RETREG3: variants seen among roughly 807,000 people sequenced by gnomAD.
RETREG3 encodes reticulophagy regulator family member 3.
RETREG3 carries 23 observed loss-of-function variants against 50.2 expected under a neutral mutation model. The observed-to-expected ratio is 0.46, with a 90% CI of 0.33 to 0.65. The LOEUF is 0.65. Ranked by LOEUF, RETREG3 falls within the 30% of genes least tolerant of loss-of-function variation. The pLI is 0.02. For missense variants in RETREG3, 546 were observed against 598.0 expected (o/e 0.91, Z 0.91); for synonymous variants, 240 against 234.4 (o/e 1.02, Z -0.22).
In RETREG3 at chr17:42,582,139, G is replaced by A. The variant is rs868704755; in HGVS notation, c.1075C>T (p.Arg359Cys). Residue 359 changes from arginine to cysteine, a missense_variant, in exon 9 of 9, where the codon CGT becomes TGT. By Grantham distance (180) the Arg-to-Cys change is radical (BLOSUM62 -3). Transcript: ENST00000309428. ...TSIGMPSLMYRSPPGAEEPQA... is the reference protein window; with the variant it reads ...TSIGMPSLMYCSPPGAEEPQA... ...GGCTCCTCAGCCCCTGGCGGAGAAC[G>A]GTACATCAAGCTGGGCATGCCAATG... 19 of 1,613,970 alleles carry A rather than the reference G, an allele frequency of 1.2e-5. No homozygotes were observed. The highest frequency in any genetic ancestry group is 1.5e-5 in the Non-Finnish European group (18 of 1,180,018).
intron 1 of RETREG3, among the ~76,000 whole-genome samples, chr17:42,608,056 A>G (rs939302571): frequency 2.0e-5 from 3 of 152,224 alleles, no homozygotes; most frequent in Non-Finnish European, 4.4e-5. Flanking sequence ...AGGATAATAA[A>G]TGTTTTGATT....
At chr17:42,594,963 CTT>C (rs777063995) in intron 1 of RETREG3, among the ~76,000 whole-genome samples, 370 of 125,176 alleles carry the variant, frequency 3.0e-3, no homozygotes, top group African/African-American at 0.01. Flanking sequence ...TTTTTTTTTA[CTT>C]TTTTTTTTTT....
Position 42,579,861 on chromosome 17 carries a change from A to T in RETREG3, c.*1952T>A, listed in dbSNP as rs191134740. ...ACACCTAACTCTTCCCTCTTCTGTC[A>T]ACCATTTTCACTCCCTGGCCTCTGT... On this transcript the variant is annotated 3_prime_UTR_variant, in exon 9 of 9. Transcript: ENST00000309428. 8.5e-5 allele frequency: 13 copies of T among 152,946 alleles called. No individual in the cohort carries two copies. Among genetic ancestry groups the T allele is most frequent in the Admixed American group, 4.6e-4 (7 of 15,300 alleles). The allele number at this position is 152,946 out of a possible 1,614,324, so 9.5% of individuals were successfully genotyped here.
At position 42,581,040 on chromosome 17, in the gene RETREG3, A is replaced by AC. The variant is rs2093106920; in HGVS notation, c.*772_*773insG. ...GGCAACAGAGAGAGACTCTGTCTCAAAAAAAAAAAAAAGAAAAGAAAAGAA... is the reference window on the plus strand; with the variant it reads ...GGCAACAGAGAGAGACTCTGTCTCAACAAAAAAAAAAAAGAAAAGAAAAGAA... On this transcript the variant is annotated 3_prime_UTR_variant, in exon 9 of 9. Transcript: ENST00000309428. The AC allele has an allele frequency of 8.4e-6, 1 of 118,994 alleles. No homozygotes were observed. Among genetic ancestry groups the AC allele is most frequent in the African/African-American group, 3.3e-5 (1 of 30,022 alleles). 7.4% of individuals were successfully genotyped at this position (118,994 alleles called of 1,614,324 possible).
chr17:42,595,654 A>C (rs1227375542), intron 1 of RETREG3, among the ~76,000 whole-genome samples: 1 of 139,760 alleles, frequency 7.2e-6, no homozygotes, highest in Non-Finnish European at 1.5e-5. Flanking sequence ...TGACAACCCT[A>C]TTTCTTTCTT....
At chr17:42,592,573 C>T (rs1480940911) in intron 1 of RETREG3, among the ~76,000 whole-genome samples, 1 of 152,152 alleles carries the variant, frequency 6.6e-6, no homozygotes, top group Non-Finnish European at 1.5e-5. Context: ...AATTCAATTA[C>T]ATATCTTTTT....
chr17:42,584,759 T>A (rs567652584), intron 6 of RETREG3, among the ~76,000 whole-genome samples: 7 of 138,136 alleles, frequency 5.1e-5, no homozygotes. Context: ...AAGGGTGCAG[T>A]GAGCCATGAT....
intron 1 of RETREG3, among the ~76,000 whole-genome samples, chr17:42,594,865 C>G (rs2093140765): frequency 6.6e-6 from 1 of 151,456 alleles, no homozygotes; most frequent in Admixed American, 6.6e-5. Context: ...TAAATACATA[C>G]ATACATACGT....
At chr17:42,609,394 C>T (rs1184341328), upstream of RETREG3, 2 of 1,482,538 alleles carry the variant, frequency 1.3e-6, no homozygotes, top group East Asian at 4.5e-5. Flanking sequence ...TGCGCAGATG[C>T]GCGATTCGGC....
At chr17:42,592,310 T>G in intron 1 of RETREG3, 148 bp from the exon 2 acceptor site, 1 of 602,792 alleles carries the variant, frequency 1.7e-6, no homozygotes, top group South Asian at 2.3e-5. Flanking sequence ...ACACCTAGGG[T>G]AAATCATTTA....
At chr17:42,605,448 C>G (rs2093166172) in intron 1 of RETREG3, among the ~76,000 whole-genome samples, 1 of 152,044 alleles carries the variant, frequency 6.6e-6, no homozygotes, top group East Asian at 1.9e-4. Context: ...GTTAACTGAA[C>G]AGTCAGTCAC....
At position 42,609,349 on chromosome 17, in the gene RETREG3, G is replaced by C. The variant is rs1436116390; in HGVS notation, c.-25C>G. The C allele has an allele frequency of 5.7e-6, 9 of 1,585,202 alleles. No homozygotes were observed. Among genetic ancestry groups the C allele is most frequent in the Non-Finnish European group, 7.7e-6 (9 of 1,171,336 alleles). ...TCTCCCCGCGGCAGCCACAACATCCGGGGCCGTGGCCCGACAAGTCACAAT... is the reference window on the plus strand; with the variant it reads ...TCTCCCCGCGGCAGCCACAACATCCCGGGCCGTGGCCCGACAAGTCACAAT... On this transcript the variant is annotated 5_prime_UTR_variant, in exon 1 of 9. Transcript: ENST00000309428.
chr17:42,599,498 T>C (rs894058691), intron 1 of RETREG3, among the ~76,000 whole-genome samples: 1 of 151,270 alleles, frequency 6.6e-6, no homozygotes, highest in South Asian at 2.1e-4. Flanking sequence ...CTATTAAAAA[T>C]ACAAAATTAG....
chr17:42,594,447 G>A (rs530392153), intron 1 of RETREG3, among the ~76,000 whole-genome samples: 74 of 152,122 alleles, frequency 4.9e-4, no homozygotes, highest in African/African-American at 1.7e-3. Flanking sequence ...CCAGCTACTC[G>A]GGAGGGTGAG....
intron 1 of RETREG3, among the ~76,000 whole-genome samples, chr17:42,594,498 G>A (rs2093139750): frequency 6.6e-6 from 1 of 151,862 alleles, no homozygotes; most frequent in Non-Finnish European, 1.5e-5. Context: ...AGGTTGCAGT[G>A]AGCTGAGATC....
At chr17:42,588,736 C>A (rs2093126326) in intron 2 of RETREG3, among the ~76,000 whole-genome samples, 1 of 152,040 alleles carries the variant, frequency 6.6e-6, no homozygotes, top group Non-Finnish European at 1.5e-5. Flanking sequence ...TGGCTCACTA[C>A]AACCTCCACC....
At chr17:42,582,542 T>C in intron 8 of RETREG3, 132 bp downstream of exon 8, 1 of 1,392,032 alleles carries the variant, frequency 7.2e-7, no homozygotes, top group South Asian at 1.4e-5. Flanking sequence ...GCCACAGCAC[T>C]CAGGCTGCTC....
At chr17:42,585,946 C>T (rs2093120328) in intron 5 of RETREG3, 107 bp downstream of exon 5, 1 of 1,009,356 alleles carries the variant, frequency 9.9e-7, no homozygotes, top group South Asian at 1.4e-5. Context: ...AAGGTCATAT[C>T]CTAGAGAATT....
At chr17:42,586,193 G>A in intron 4 of RETREG3, 56 bp from the exon 5 acceptor site, 1 of 1,537,834 alleles carries the variant, frequency 6.5e-7, no homozygotes, top group Non-Finnish European at 9.0e-7. Flanking sequence ...GACTGGGGTG[G>A]GTGTGAAGGG....
Sources: allele counts gnomAD v4.1 joint callset (sites outside exome capture counted in the v4.1 genomes callset), GRCh38; gene constraint gnomAD v4.1.1; transcripts MANE v1.5; gene names NCBI Gene and HGNC (gene_info 2026-07-23, HGNC 2026-07-21).